Variants in SEMA5A observed in about 807,000 individuals in gnomAD.
SEMA5A encodes the protein semaphorin-5A.
In SEMA5A, 55 loss-of-function variants were observed where a neutral mutation model predicts 135.5. The ratio of observed to expected loss-of-function variants is 0.41; its 90% CI spans 0.33 to 0.51. The LOEUF (loss-of-function observed/expected upper bound fraction) is 0.51, where lower values mean the gene tolerates loss of function less well. SEMA5A is among the 20% of genes least tolerant of loss of function. SEMA5A has a pLI of 0.37. For synonymous variants in SEMA5A, 580 were observed against 546.5 expected (o/e 1.06, Z -0.85); for missense variants, 1,290 against 1,419.9 (o/e 0.91, Z 1.47).
At chr5:9,113,918 C>T (rs1321829589) in intron 15 of SEMA5A, among the ~76,000 whole-genome samples, 1 of 152,192 alleles carries the variant, frequency 6.6e-6, no homozygotes, top group Non-Finnish European at 1.5e-5. Context: ...ATAGAATTAA[C>T]ATCCAATGCA....
chr5:9,297,793 C>T (rs1751415375), intron 5 of SEMA5A, among the ~76,000 whole-genome samples: 2 of 151,250 alleles, frequency 1.3e-5, no homozygotes, highest in African/African-American at 4.9e-5. Context: ...AACTCCTGGG[C>T]TCAAGCCACC....
chr5:9,105,874 A>G (rs1739886275), intron 16 of SEMA5A, among the ~76,000 whole-genome samples: 1 of 152,236 alleles, frequency 6.6e-6, no homozygotes, highest in Non-Finnish European at 1.5e-5. Flanking sequence ...GAAGACCAAA[A>G]ATGTTGCTTT....
chr5:9,523,989 A>G (rs748431439), intron 1 of SEMA5A, among the ~76,000 whole-genome samples: 1 of 152,158 alleles, frequency 6.6e-6, no homozygotes, highest in Non-Finnish European at 1.5e-5. Context: ...CCCAAATCTC[A>G]TGTCAAATCA....
At chr5:9,147,008 C>T (rs1278652801) in intron 12 of SEMA5A, among the ~76,000 whole-genome samples, 2 of 152,154 alleles carry the variant, frequency 1.3e-5, no homozygotes, top group Admixed American at 6.5e-5. Context: ...TGGGAGACCA[C>T]GTGGAGACCC....
intron 2 of SEMA5A, among the ~76,000 whole-genome samples, chr5:9,415,353 T>G (rs1282366405): frequency 6.6e-6 from 1 of 152,122 alleles, no homozygotes; most frequent in Non-Finnish European, 1.5e-5. Flanking sequence ...GCTGCTATGA[T>G]CATTGAACAC....
chr5:9,258,812 T>TC (rs1956641653), intron 5 of SEMA5A, among the ~76,000 whole-genome samples: 1 of 130,492 alleles, frequency 7.7e-6, no homozygotes, highest in Non-Finnish European at 1.6e-5. Flanking sequence ...TCTTTTTTTT[T>TC]TTTTTTTTTT....
chr5:9,428,533 C>T (rs891903393), intron 2 of SEMA5A, among the ~76,000 whole-genome samples: 1 of 152,156 alleles, frequency 6.6e-6, no homozygotes, highest in South Asian at 2.1e-4. Flanking sequence ...CCTTCCTTTT[C>T]TGTTCTCTTC....
At chr5:9,060,898 T>A (rs1249495436) in intron 18 of SEMA5A, among the ~76,000 whole-genome samples, 1 of 152,160 alleles carries the variant, frequency 6.6e-6, no homozygotes, top group African/African-American at 2.4e-5. Context: ...GAAAGTTGTA[T>A]CTACTAGAAA....
At chr5:9,536,078 C>A (rs1287658180) in intron 1 of SEMA5A, among the ~76,000 whole-genome samples, 1 of 152,194 alleles carries the variant, frequency 6.6e-6, no homozygotes, top group Non-Finnish European at 1.5e-5. Context: ...CAGATGCTTA[C>A]AGACACCTGA....
At chr5:9,300,704 CCTGGATAAT>C (rs1357338412) in intron 5 of SEMA5A, among the ~76,000 whole-genome samples, 2 of 152,178 alleles carry the variant, frequency 1.3e-5, no homozygotes, top group Non-Finnish European at 2.9e-5. Context: ...ATGACATCAT[CCTGGATAAT>C]CCTGGTGAAT....
At chr5:9,362,545 CA>C (rs1463612465) in intron 3 of SEMA5A, among the ~76,000 whole-genome samples, 1 of 152,110 alleles carries the variant, frequency 6.6e-6, no homozygotes, top group Non-Finnish European at 1.5e-5. Flanking sequence ...TAAATATGAA[CA>C]TTTTAAATCT....
intron 13 of SEMA5A, among the ~76,000 whole-genome samples, chr5:9,132,633 A>C (rs1377112263): frequency 1.3e-5 from 2 of 152,244 alleles, no homozygotes; most frequent in Non-Finnish European, 2.9e-5. Flanking sequence ...CATAAGTCAC[A>C]GCCACTGCAT....
intron 5 of SEMA5A, among the ~76,000 whole-genome samples, chr5:9,286,085 A>C (rs1183176288): frequency 6.6e-6 from 1 of 152,168 alleles, no homozygotes; most frequent in Non-Finnish European, 1.5e-5. Context: ...AACTGAGGCA[A>C]ACTGCACTAA....
At chr5:9,291,039 T>C (rs1237663138) in intron 5 of SEMA5A, among the ~76,000 whole-genome samples, 1 of 152,192 alleles carries the variant, frequency 6.6e-6, no homozygotes, top group African/African-American at 2.4e-5. Context: ...TATTAGTACA[T>C]TTTACATTGC....
intron 5 of SEMA5A, among the ~76,000 whole-genome samples, chr5:9,283,371 T>G (rs1269143557): frequency 6.6e-6 from 1 of 152,142 alleles, no homozygotes; most frequent in African/African-American, 2.4e-5. Flanking sequence ...TGAGACCTCT[T>G]GATACTAGGG....
intron 5 of SEMA5A, among the ~76,000 whole-genome samples, chr5:9,294,116 C>A (rs1233550777): frequency 1.3e-5 from 2 of 152,152 alleles, no homozygotes; most frequent in Non-Finnish European, 2.9e-5. Flanking sequence ...AGGTCACATA[C>A]AGCAATGGGT....
chr5:9,270,968 T>G (rs7719392), intron 5 of SEMA5A, among the ~76,000 whole-genome samples: 90,277 of 151,820 alleles, frequency 0.59, 27,022 homozygotes, highest in Middle Eastern at 0.72. Context: ...TTGTGAATGT[T>G]TGCTTTCTCC....
intron 8 of SEMA5A, among the ~76,000 whole-genome samples, chr5:9,221,171 G>A (rs1746930611): frequency 6.6e-6 from 1 of 152,142 alleles, no homozygotes; most frequent in South Asian, 2.1e-4. Context: ...ATCATTTAAT[G>A]GGTCCTTAAA....
At chr5:9,464,790 G>C (rs1759192994) in intron 1 of SEMA5A, among the ~76,000 whole-genome samples, 1 of 152,320 alleles carries the variant, frequency 6.6e-6, no homozygotes, top group South Asian at 2.1e-4. Flanking sequence ...ATTGCTCGCT[G>C]TGTGGTCATC....
Sources: allele counts gnomAD v4.1 joint callset (sites outside exome capture counted in the v4.1 genomes callset), GRCh38; gene constraint gnomAD v4.1.1; transcripts MANE v1.5; gene names NCBI Gene and HGNC (gene_info 2026-07-23, HGNC 2026-07-21).